SLC2A6: variants seen among roughly 807,000 people sequenced by gnomAD.
SLC2A6 encodes solute carrier family 2, facilitated glucose transporter member 6.
In SLC2A6, 39 loss-of-function variants were observed where a neutral mutation model predicts 47.8. The observed-to-expected ratio is 0.82, with a 90% CI of 0.63 to 1.07. The LOEUF (loss-of-function observed/expected upper bound fraction) is 1.07. Ranked by LOEUF, SLC2A6 falls within the 50% of genes least tolerant of loss-of-function variation. The probability of loss-of-function intolerance (pLI) is 0.00; values close to 1 mark genes in which losing one functional copy is unlikely to be tolerated. For synonymous variants in SLC2A6, 346 were observed against 324.1 expected, an observed-to-expected ratio of 1.07 and a Z score of -0.73; for missense variants, 650 against 707.6, an observed-to-expected ratio of 0.92 and a Z score of 0.92.
chr9:133,473,067 A>AGGGCCTAG, intron 9 of SLC2A6, 38 bp downstream of exon 9: 1 of 1,569,610 alleles, frequency 6.4e-7, no homozygotes, highest in Non-Finnish European at 8.6e-7. Context: ...CCAGTCAGAG[A>AGGGCCTAG]GGGCCTAGGG....
chr9:133,478,716 C>G, intron 1 of SLC2A6: 1 of 587,122 alleles, frequency 1.7e-6, no homozygotes, highest in Non-Finnish European at 3.0e-6. Context: ...GGCAGAACCC[C>G]TGCTCGCTGG....
At chr9:133,474,647 C>T (rs906389536) in intron 6 of SLC2A6, among the ~76,000 whole-genome samples, 3 of 152,222 alleles carry the variant, frequency 2.0e-5, no homozygotes, top group African/African-American at 4.8e-5. Context: ...GTGGTGAGAT[C>T]GTGGCCACTG....
intron 6 of SLC2A6, among the ~76,000 whole-genome samples, chr9:133,474,490 G>A (rs1413616374): frequency 6.6e-6 from 1 of 152,236 alleles, no homozygotes; most frequent in Non-Finnish European, 1.5e-5. Flanking sequence ...GATGCCACAG[G>A]GCTCTGAACC....
At chr9:133,476,967 TAGTC>T in intron 3 of SLC2A6, 64 bp downstream of exon 3, 1 of 1,486,176 alleles carries the variant, frequency 6.7e-7, no homozygotes. Flanking sequence ...TGGGAGGCCT[TAGTC>T]AGATGGAGGC....
At position 133,471,770 on chromosome 9, in the gene SLC2A6, T is replaced by G; in HGVS notation, c.*251A>C. On this transcript the variant is annotated 3_prime_UTR_variant, in exon 10 of 10. Transcript: ENST00000371899. ...CAGGGCCGTGTCCCTGGATGCAGGGTTGTATGCACTCCTGCGGCCCATGGC... is the reference window on the plus strand; with the variant it reads ...CAGGGCCGTGTCCCTGGATGCAGGGGTGTATGCACTCCTGCGGCCCATGGC... The G allele has an allele frequency of 2.1e-6, 1 of 472,824 alleles. No homozygotes were observed. Among genetic ancestry groups the G allele is most frequent in the Non-Finnish European group, 3.8e-6 (1 of 262,722 alleles). The allele number at this position is 472,824 out of a possible 1,614,324, so 29.3% of individuals were successfully genotyped here. A position where few individuals can be genotyped will look rare whatever the true frequency, so the allele number is the denominator to read the frequency against.
rs1346448314 is a variant in SLC2A6, at chr9:133,474,232, T to G, written c.928-144A>C. 3.4e-5 allele frequency: 21 copies of G among 610,500 alleles called. No homozygotes were observed. In the East Asian group the frequency reaches 5.5e-4, roughly 16 times the overall value. The allele number at this position is 610,500 out of a possible 1,614,324, so 37.8% of individuals were successfully genotyped here. On this transcript the variant is annotated intron_variant, in intron 6 of 9. Transcript: ENST00000371899. ...GAGTGGCCTGGCACCTGCAGCGTGC[T>G]GGGCATCTATACTGTCCGAGCCTAT...
At position 133,474,074 on chromosome 9, in the gene SLC2A6, G is replaced by T. The variant is rs200040212; in HGVS notation, c.942C>A (p.Asp314Glu). The change falls in exon 7 of 10, where the codon GAC (aspartate) becomes GAA (glutamate). Residue 314 changes from aspartate to glutamate, a missense_variant. By Grantham distance (45) the Asp-to-Glu change is conservative. Transcript: ENST00000371899. ...GCCGCACGGCCCCAACGATGGCTGC[G>T]TCGTCCTTGGGGGGCTATCGGGGGG... Reference protein sequence around the residue: ...STAVLLPPKDDAAIVGAVRLL... With the variant: ...STAVLLPPKDEAAIVGAVRLL... The T allele has an allele frequency of 1.9e-6, 3 of 1,606,014 alleles. No individual in the cohort carries two copies. Among genetic ancestry groups the T allele is most frequent in the Non-Finnish European group, 2.5e-6 (3 of 1,177,546 alleles).
chr9:133,475,005 G>C lies in SLC2A6; in HGVS notation c.883C>G (p.Leu295Val), dbSNP rs782447628. ...LQQLTGITPI[L>V]VYLQSIFDST... ...TCGAAGATGGACTGCAGGTAGACCA[G>C]GATGGGCGTGATGCCCGTCAGCTGC... Residue 295 changes from leucine to valine, a missense_variant, in exon 6 of 10, where the codon CTG (leucine) becomes GTG (valine). Transcript: ENST00000371899. 1.3e-6 allele frequency: 2 copies of C among 1,594,958 alleles called. No homozygotes were observed. Among genetic ancestry groups the C allele is most frequent in the Non-Finnish European group, 1.7e-6 (2 of 1,172,278 alleles).
At chr9:133,478,825 C>T in intron 1 of SLC2A6, 143 bp downstream of exon 1, 1 of 682,460 alleles carries the variant, frequency 1.5e-6, no homozygotes. Flanking sequence ...ATAGGAGTAG[C>T]GTGTCTGGGA....
Position 133,476,223 on chromosome 9 carries a change from G to A in SLC2A6, c.562+14C>T, listed in dbSNP as rs782194866. The A allele has an allele frequency of 8.1e-6, 13 of 1,601,958 alleles. No individual in the cohort carries two copies. The highest frequency in any genetic ancestry group is 2.2e-5 in the South Asian group (2 of 90,792). The stretch of plus-strand genomic sequence containing the variant: ...CCCACCAGCCTGCACACAGGAGTGC[G>A]GGGCCATACTTGCCAAGGGCGTAGA... On this transcript the variant is annotated intron_variant, in intron 4 of 9. Transcript: ENST00000371899.
intron 3 of SLC2A6, among the ~76,000 whole-genome samples, chr9:133,476,805 G>A (rs938759846): frequency 3.3e-5 from 5 of 152,230 alleles, no homozygotes; most frequent in African/African-American, 1.2e-4. Flanking sequence ...GTCAAGAAAC[G>A]GGGTAGAAGG....
intron 4 of SLC2A6, 67 bp downstream of exon 4, chr9:133,476,170 C>G (rs781896153): frequency 8.1e-7 from 1 of 1,233,720 alleles, no homozygotes; most frequent in African/African-American, 1.5e-5. Flanking sequence ...CCTTTCCACC[C>G]ACGTCTACCT....
Position 133,478,367 on chromosome 9 carries a change from C to T in SLC2A6, c.142G>A (p.Gly48Ser), listed in dbSNP as rs202185596. 8 of 1,614,164 alleles carry T rather than the reference C, an allele frequency of 5.0e-6. No homozygotes were observed. The highest frequency in any genetic ancestry group is 2.2e-5 in the East Asian group (1 of 44,882). Reference protein sequence around the residue: ...VFLATFAAVLGNFSFGYALVY... With the variant: ...VFLATFAAVLSNFSFGYALVY... ...AGGGCATACCCAAAGCTGAAATTGC[C>T]GAGCACTGCGGCGAAGGTGGCCAGG... The change falls in exon 2 of 10, where the codon GGC becomes AGC. Residue 48 changes from glycine to serine, a missense_variant. Transcript: ENST00000371899.
In SLC2A6 at chr9:133,477,144, G is replaced by A. The variant is rs587693749; in HGVS notation, c.353C>T (p.Pro118Leu). Residue 118 changes from proline (P) to leucine (L), a missense_variant, in exon 3 of 10, where the codon CCG becomes CTG. Physicochemically the swap from Pro to Leu is moderately conservative, Grantham distance 98. Coordinates refer to ENST00000371899, the MANE Select transcript of SLC2A6 (RefSeq NM_017585.4). ...CATGAGCGCATAGCCGGCCGCCGAC[G>A]GCACAGCTGAGAACATGATGCTCAG... ...RKLSIMFSAV[P>L]SAAGYALMAG... The A allele has an allele frequency of 1.9e-6, 3 of 1,549,780 alleles. No individual in the cohort carries two copies. Among genetic ancestry groups the A allele is most frequent in the Admixed American group, 2.0e-5 (1 of 50,980 alleles).
chr9:133,473,211 A>T lies in SLC2A6; in HGVS notation c.1262T>A (p.Met421Lys), dbSNP rs1843800003. 6.3e-7 allele frequency: 1 copy of T among 1,598,872 alleles called. No homozygotes were observed. The highest frequency in any genetic ancestry group is 8.5e-7 in the Non-Finnish European group (1 of 1,173,774). Reference protein sequence around the residue: ...VGWGPITWLLMSEVLPLRARG... With the variant: ...VGWGPITWLLKSEVLPLRARG... Reference sequence around the variant, plus strand: ...GGCACGCAGGGGCAGGACCTCAGACATGAGCAGCCAGGTGATGGGACCCCA... The same window carrying T: ...GGCACGCAGGGGCAGGACCTCAGACTTGAGCAGCCAGGTGATGGGACCCCA... Residue 421 changes from methionine (M) to lysine (K), a missense_variant, in exon 9 of 10, where the codon ATG (methionine) becomes AAG (lysine). Physicochemically the swap from Met to Lys is moderately conservative, Grantham distance 95. Transcript: ENST00000371899.
intron 6 of SLC2A6, among the ~76,000 whole-genome samples, 184 bp from the exon 7 acceptor site, chr9:133,474,272 G>A (rs1166229089): frequency 2.0e-5 from 3 of 152,268 alleles, no homozygotes; most frequent in Non-Finnish European, 4.4e-5. Context: ...CTCCTGGGCA[G>A]GGACACATCT....
At chr9:133,477,803 A>G (rs980399657) in intron 2 of SLC2A6, among the ~76,000 whole-genome samples, 2 of 152,222 alleles carry the variant, frequency 1.3e-5, no homozygotes, top group African/African-American at 2.4e-5. Context: ...CTTAACTACT[A>G]TGTTAACAAC....
intron 2 of SLC2A6, among the ~76,000 whole-genome samples, chr9:133,477,898 G>C (rs1220694370): frequency 6.6e-6 from 1 of 152,148 alleles, no homozygotes; most frequent in Admixed American, 6.5e-5. Context: ...TCTGTCCTGC[G>C]GACTCTCCTT....
chr9:133,472,251 C>T, intron 9 of SLC2A6, 75 bp from the exon 10 acceptor site: 2 of 1,553,800 alleles, frequency 1.3e-6, no homozygotes, highest in Non-Finnish European at 1.7e-6. Context: ...CTCGTGGGCG[C>T]TGCTGGTAGT....
Sources: gnomAD v4.1 joint callset for allele counts (sites outside exome capture counted in the v4.1 genomes callset) on GRCh38, gnomAD v4.1.1 for gene constraint, MANE v1.5 for transcripts, NCBI Gene and HGNC (gene_info 2026-07-23, HGNC 2026-07-21) for gene names.